Variants in MORC3 observed in about 807,000 individuals in gnomAD.
The protein encoded by MORC3 is MORC family CW-type zinc finger protein 3.
Under a neutral mutation model 109.1 loss-of-function variants are expected in MORC3, and 31 were observed. The ratio of observed to expected loss-of-function variants is 0.28; its 90% CI spans 0.21 to 0.38. MORC3 has a LOEUF of 0.38. MORC3 is among the 10% of genes least tolerant of loss of function. The pLI, the probability that MORC3 is intolerant of heterozygous loss-of-function variation, is 1.00. For missense variants in MORC3, 867 were observed against 1,135.8 expected (o/e 0.76, Z 3.40); for synonymous variants, 395 against 380.7 (o/e 1.04, Z -0.44).
intron 12 of MORC3, 157 bp from the exon 13 acceptor site, chr21:36,362,026 A>C: frequency 1.3e-6 from 1 of 789,684 alleles, no homozygotes. Context: ...GGTGCTACTG[A>C]GATAAAAGGT....
chr21:36,358,748 C>T (rs1731210819), intron 10 of MORC3, among the ~76,000 whole-genome samples: 2 of 151,714 alleles, frequency 1.3e-5, no homozygotes, highest in South Asian at 2.1e-4. Flanking sequence ...GGCGCAATCT[C>T]GGCTCACTGC....
intron 1 of MORC3, among the ~76,000 whole-genome samples, chr21:36,325,244 A>T (rs930795026): frequency 6.6e-6 from 1 of 152,230 alleles, no homozygotes; most frequent in Non-Finnish European, 1.5e-5. Context: ...GAGAACAACA[A>T]AAACAAGATG....
At chr21:36,334,526 C>G (rs2146295974) in intron 2 of MORC3, among the ~76,000 whole-genome samples, 1 of 152,224 alleles carries the variant, frequency 6.6e-6, no homozygotes, top group Middle Eastern at 3.4e-3. Flanking sequence ...TCTCAAACTC[C>G]TGGGCTCAGG....
chr21:36,337,807 T>C lies in MORC3; in HGVS notation c.321T>C (p.Gly107=). Residue 107 remains glycine, a synonymous_variant, in exon 4 of 17, where the codon GGT becomes GGC. Transcript: ENST00000400485. ...VGLYGNGFKS[G]SMRLGKDAIV... ...TATATGGGAATGGCTTCAAGTCGGGTTCTATGCGTCTGGGTAAAGACGCAA... is the reference window on the plus strand; with the variant it reads ...TATATGGGAATGGCTTCAAGTCGGGCTCTATGCGTCTGGGTAAAGACGCAA... 2 of 1,614,198 alleles carry C rather than the reference T, an allele frequency of 1.2e-6. No individual in the cohort carries two copies. The highest frequency in any genetic ancestry group is 1.1e-5 in the South Asian group (1 of 91,082).
intron 14 of MORC3, among the ~76,000 whole-genome samples, chr21:36,365,943 A>G (rs1186038826): frequency 6.6e-6 from 1 of 152,130 alleles, no homozygotes; most frequent in Non-Finnish European, 1.5e-5. Context: ...CTACTTTATT[A>G]AGAACTCATA....
chr21:36,321,204 T>C (rs755595207), intron 1 of MORC3, among the ~76,000 whole-genome samples: 1 of 152,214 alleles, frequency 6.6e-6, no homozygotes, highest in Non-Finnish European at 1.5e-5. Context: ...TCTGGGACTT[T>C]CATTCGTTTA....
chr21:36,369,287 C>G lies in MORC3; in HGVS notation c.1919C>G (p.Thr640Ser). 6.2e-7 allele frequency: 1 copy of G among 1,614,088 alleles called. No individual in the cohort carries two copies. The highest frequency in any genetic ancestry group is 8.5e-7 in the Non-Finnish European group (1 of 1,180,014). ...TGCGACCAGGGAAATACTGCAGCTA[C>G]CCAGACTGAAGTACCAAGTTTAGTT... The part of the protein sequence containing the change: ...SRCDQGNTAA[T>S]QTEVPSLVVK... The change falls in exon 15 of 17, where the codon ACC (threonine) becomes AGC (serine). Residue 640 changes from threonine (T) to serine (S), a missense_variant. This residue lies in a region of MORC3 where 486 missense variants were observed against 502.1 expected (regional missense o/e 0.97). Transcript: ENST00000400485.
intron 9 of MORC3, among the ~76,000 whole-genome samples, chr21:36,350,105 A>G (rs1207677914): frequency 6.6e-6 from 1 of 152,204 alleles, no homozygotes; most frequent in African/African-American, 2.4e-5. Flanking sequence ...CAGAAGGTTG[A>G]GACCAGCGTG....
chr21:36,340,604 T>C (rs944574007), intron 5 of MORC3, among the ~76,000 whole-genome samples: 8 of 150,524 alleles, frequency 5.3e-5, no homozygotes, highest in African/African-American at 1.9e-4. Context: ...CCTTTTTCTT[T>C]TTTTTTTCTT....
chr21:36,327,442 G>A lies in MORC3; in HGVS notation c.40-6204G>A, dbSNP rs559529289. On this transcript the variant is annotated intron_variant, in intron 1 of 16. Transcript: ENST00000400485. ...GCTGGGATTACAGGAGTGAACCACC[G>A]TGCTTGGCCTTTATTTCCTATTCTG... Among the ~76,000 whole-genome samples, 16 of 151,004 alleles carry A rather than the reference G, an allele frequency of 1.1e-4. 1 individual carries two copies. In the South Asian group the frequency reaches 1.5e-3, roughly 14 times the overall value.
intron 15 of MORC3, among the ~76,000 whole-genome samples, chr21:36,371,754 C>T (rs2085870371): frequency 6.6e-6 from 1 of 151,790 alleles, no homozygotes; most frequent in African/African-American, 2.4e-5. Context: ...AAATAAAAAC[C>T]ACTGTGACAT....
intron 1 of MORC3, among the ~76,000 whole-genome samples, chr21:36,324,120 C>G (rs951897110): frequency 6.6e-6 from 1 of 152,136 alleles, no homozygotes; most frequent in Admixed American, 6.6e-5. Flanking sequence ...GGTAATCTGC[C>G]CGCCCTGGCC....
At position 36,362,668 on chromosome 21, in the gene MORC3, C is replaced by T. The variant is rs529196573; in HGVS notation, c.1452+440C>T. The stretch of plus-strand genomic sequence containing the variant: ...CTAGGATTACAGGTATGAGCCACCA[C>T]ACCTGTCCAAGCTTTCCATTTTATA... On this transcript the variant is annotated intron_variant, in intron 13 of 16. Coordinates refer to ENST00000400485, the MANE Select transcript of MORC3 (RefSeq NM_015358.3). Among the ~76,000 whole-genome samples the T allele has an allele frequency of 5.9e-5, 9 of 152,202 alleles. No individual in the cohort carries two copies. In the East Asian group the frequency reaches 1.6e-3, roughly 26 times the overall value.
intron 8 of MORC3, among the ~76,000 whole-genome samples, 188 bp from the exon 9 acceptor site, chr21:36,349,123 A>C (rs1469390010): frequency 6.6e-6 from 1 of 152,072 alleles, no homozygotes; most frequent in Non-Finnish European, 1.5e-5. Flanking sequence ...ATGCCACTGC[A>C]CTCCAGCCTG....
At chr21:36,363,235 A>T (rs956204647) in intron 13 of MORC3, among the ~76,000 whole-genome samples, 1 of 152,124 alleles carries the variant, frequency 6.6e-6, no homozygotes, top group South Asian at 2.1e-4. Context: ...CCTGGGCAAT[A>T]TGGCAAAACC....
At chr21:36,365,706 G>A (rs1332467177) in intron 14 of MORC3, among the ~76,000 whole-genome samples, 2 of 152,014 alleles carry the variant, frequency 1.3e-5, no homozygotes, top group South Asian at 2.1e-4. Context: ...TCAGCGTCCC[G>A]AGTAGCTGGG....
Position 36,369,476 on chromosome 21 carries a change from T to C in MORC3, c.2108T>C (p.Leu703Pro). Reference sequence around the variant, plus strand: ...CAATTACAAGAACTGAGAAACCAGCTACTCCTTGTCACTGAGGAAAAAGAG... The same window carrying C: ...CAATTACAAGAACTGAGAAACCAGCCACTCCTTGTCACTGAGGAAAAAGAG... ...GCQLQELRNQ[L>P]LLVTEEKENY... The change falls in exon 15 of 17, where the codon CTA (leucine) becomes CCA (proline). Residue 703 changes from leucine to proline, a missense_variant. Coordinates refer to ENST00000400485, the MANE Select transcript of MORC3 (RefSeq NM_015358.3). 6.2e-7 allele frequency: 1 copy of C among 1,614,140 alleles called. No individual in the cohort carries two copies.
rs978198815 is a variant in MORC3, at chr21:36,369,782, G to C, written c.2414G>C (p.Ser805Thr). 5 of 1,614,064 alleles carry C rather than the reference G, an allele frequency of 3.1e-6. No individual in the cohort carries two copies. The highest frequency in any genetic ancestry group is 4.2e-6 in the Non-Finnish European group (5 of 1,180,038). The change falls in exon 15 of 17, where the codon AGT (serine) becomes ACT (threonine). Residue 805 changes from serine (S) to threonine (T), a missense_variant. Coordinates refer to ENST00000400485, the MANE Select transcript of MORC3 (RefSeq NM_015358.3). ...AECSQCSNNE[S>T]KSEMDEMAVQ... ...TGCAGCCAGTGTTCCAATAATGAGA[G>C]TAAAAGTGAAATGGATGAGATGGCT... is the stretch of plus-strand genomic sequence containing the variant.
At chr21:36,349,463 A>G in intron 9 of MORC3, 55 bp downstream of exon 9, 1 of 1,196,406 alleles carries the variant, frequency 8.4e-7, no homozygotes, top group Non-Finnish European at 1.2e-6. Flanking sequence ...TATTACCAAG[A>G]AAGCAGGAAC....
Sources: gnomAD v4.1 joint callset for allele counts (sites outside exome capture counted in the v4.1 genomes callset) on GRCh38, gnomAD v4.1.1 for gene constraint, gnomAD v4.1.1 regional missense constraint, MANE v1.5 for transcripts, NCBI Gene and HGNC (gene_info 2026-07-23, HGNC 2026-07-21) for gene names.